CDH18: variants seen among roughly 807,000 people sequenced by gnomAD.
CDH18 encodes cadherin-18.
In CDH18, 31 loss-of-function variants were observed where a neutral mutation model predicts 67.9. The observed-to-expected ratio is 0.46, with a 90% CI of 0.34 to 0.62. The LOEUF (loss-of-function observed/expected upper bound fraction) is 0.62, where lower values mean the gene tolerates loss of function less well. CDH18 is among the 20% of genes least tolerant of loss of function. The pLI, the probability that CDH18 is intolerant of heterozygous loss-of-function variation, is 0.01. For missense variants in CDH18, 890 were observed against 975.5 expected, an observed-to-expected ratio of 0.91 and a Z score of 1.17; for synonymous variants, 362 against 347.2, an observed-to-expected ratio of 1.04 and a Z score of -0.48.
At chr5:19,640,549 T>C (rs1162835626) in intron 5 of CDH18, among the ~76,000 whole-genome samples, 7 of 151,816 alleles carry the variant, frequency 4.6e-5, no homozygotes, top group African/African-American at 1.7e-4. Context: ...AAAACAGAAA[T>C]AACCAGAAAT....
At position 19,612,491 on chromosome 5, in the gene CDH18, T is replaced by C. The variant is rs1749139912; in HGVS notation, c.754A>G (p.Thr252Ala). The change falls in exon 6 of 13, where the codon ACA becomes GCA. Residue 252 changes from threonine (T) to alanine (A), a missense_variant. By Grantham distance (58) the Thr-to-Ala change is moderately conservative. This residue lies in a region of CDH18 where 656 missense variants were observed against 668.1 expected (regional missense o/e 0.98). Transcript: ENST00000382275. ...TCGGTTAAGGTGATGTTGACTGTTG[T>C]AGATCCTGAAAGCCCTCCAACTTGC... ...AGQVGGLSGS[T>A]TVNITLTDVN... 3.1e-6 allele frequency: 5 copies of C among 1,614,144 alleles called. No homozygotes were observed. Among genetic ancestry groups the C allele is most frequent in the Admixed American group, 3.3e-5 (2 of 60,010 alleles).
At position 19,861,408 on chromosome 5, in the gene CDH18, T is replaced by C. The variant is rs142689149; in HGVS notation, c.-256-22166A>G. Among the ~76,000 whole-genome samples the C allele has an allele frequency of 8.5e-4, 130 of 152,092 alleles. 2 individuals carry two copies. The highest frequency in any genetic ancestry group is 5.8e-3 in the East Asian group (30 of 5,162). ...GCTGGGTATACCAGAGGGGGCTGTG[T>C]AAGAAGACAAAGTCCAGAGGTAAGA... On this transcript the variant is annotated intron_variant, in intron 2 of 12. Coordinates refer to ENST00000382275, the MANE Select transcript of CDH18 (RefSeq NM_004934.5).
intron 1 of CDH18, among the ~76,000 whole-genome samples, chr5:20,317,014 G>T (rs933544927): frequency 6.6e-6 from 1 of 151,950 alleles, no homozygotes; most frequent in African/African-American, 2.4e-5. Context: ...CAGATTTAAT[G>T]AAAAGAGAAT....
chr5:20,422,656 A>C (rs967291670), intron 1 of CDH18, among the ~76,000 whole-genome samples: 14 of 151,152 alleles, frequency 9.3e-5, no homozygotes, highest in Non-Finnish European at 1.8e-4. Context: ...AAATTCAAAA[A>C]TCAAAACTTA....
At chr5:20,393,611 G>T (rs568539038) in intron 1 of CDH18, among the ~76,000 whole-genome samples, 1 of 151,836 alleles carries the variant, frequency 6.6e-6, no homozygotes, top group Admixed American at 6.6e-5. Context: ...ATGATGGTAT[G>T]CCTAGAAAAC....
At chr5:20,077,365 G>T (rs568090622) in intron 2 of CDH18, among the ~76,000 whole-genome samples, 1 of 152,122 alleles carries the variant, frequency 6.6e-6, no homozygotes, top group Non-Finnish European at 1.5e-5. Context: ...ACAAATTGTC[G>T]TGCTATTCAG....
At chr5:20,549,537 T>C (rs1282950084) in intron 1 of CDH18, among the ~76,000 whole-genome samples, 4 of 152,114 alleles carry the variant, frequency 2.6e-5, no homozygotes, top group Non-Finnish European at 5.9e-5. Context: ...ACAGAGAATA[T>C]TATATTTAAA....
intron 5 of CDH18, among the ~76,000 whole-genome samples, chr5:19,633,788 C>A (rs1450362593): frequency 6.6e-6 from 1 of 152,012 alleles, no homozygotes; most frequent in Non-Finnish European, 1.5e-5. Context: ...CACTACCATA[C>A]CCACCTAATT....
intron 1 of CDH18, among the ~76,000 whole-genome samples, chr5:20,464,670 A>G (rs994612385): frequency 1.3e-5 from 2 of 152,152 alleles, no homozygotes; most frequent in Non-Finnish European, 2.9e-5. Context: ...TGAGACATCT[A>G]TATTCCAAAT....
intron 3 of CDH18, among the ~76,000 whole-genome samples, chr5:19,769,676 TACA>T (rs1466285481): frequency 5.3e-5 from 8 of 152,054 alleles, no homozygotes; most frequent in Non-Finnish European, 1.2e-4. Context: ...TGTAAATCTT[TACA>T]ACATTAGAAT....
intron 2 of CDH18, among the ~76,000 whole-genome samples, chr5:20,007,118 G>A (rs893813662): frequency 1.3e-5 from 2 of 151,572 alleles, no homozygotes; most frequent in Non-Finnish European, 2.9e-5. Flanking sequence ...TATCAAATAC[G>A]CTTTGAATAT....
At chr5:19,582,326 G>A (rs17839201) in intron 7 of CDH18, among the ~76,000 whole-genome samples, 12,617 of 151,820 alleles carry the variant, frequency 0.083, 597 homozygotes, top group African/African-American at 0.13. Context: ...AAGATGTTTC[G>A]TCAGATCATT....
intron 2 of CDH18, among the ~76,000 whole-genome samples, chr5:20,081,984 A>G (rs1744515753): frequency 6.6e-6 from 1 of 152,226 alleles, no homozygotes; most frequent in African/African-American, 2.4e-5. Flanking sequence ...AGGAAACATA[A>G]TATTAGTCTA....
intron 2 of CDH18, among the ~76,000 whole-genome samples, chr5:19,841,115 AAATG>A (rs1268928474): frequency 2.0e-5 from 3 of 152,194 alleles, no homozygotes; most frequent in Non-Finnish European, 4.4e-5. Flanking sequence ...TTCGCTCCTT[AAATG>A]AGGGTTAGTA....
chr5:19,502,760 A>C (rs1743464622), intron 11 of CDH18: 1 of 537,776 alleles, frequency 1.9e-6, no homozygotes, highest in Admixed American at 3.4e-5. Context: ...AGAGCATATT[A>C]CATGTACATT....
At chr5:19,818,528 G>A (rs1779529051) in intron 3 of CDH18, among the ~76,000 whole-genome samples, 1 of 152,056 alleles carries the variant, frequency 6.6e-6, no homozygotes, top group Non-Finnish European at 1.5e-5. Context: ...ATATACAGTC[G>A]TGCTTCATTT....
intron 5 of CDH18, among the ~76,000 whole-genome samples, chr5:19,635,419 C>T (rs1485626397): frequency 6.6e-6 from 1 of 152,114 alleles, no homozygotes; most frequent in Non-Finnish European, 1.5e-5. Flanking sequence ...GTCATCTTCT[C>T]ATAGTTTAAT....
intron 2 of CDH18, among the ~76,000 whole-genome samples, chr5:20,044,492 T>C (rs1055866280): frequency 5.9e-5 from 9 of 152,148 alleles, no homozygotes; most frequent in African/African-American, 1.9e-4. Context: ...CTATGCTAAT[T>C]TTGTGAAAAT....
At chr5:20,080,051 A>G (rs1174355904) in intron 2 of CDH18, among the ~76,000 whole-genome samples, 1 of 152,188 alleles carries the variant, frequency 6.6e-6, no homozygotes, top group Non-Finnish European at 1.5e-5. Context: ...TTAGGCTTCA[A>G]TATGAATTTT....
Sources: gnomAD v4.1 joint callset for allele counts (sites outside exome capture counted in the v4.1 genomes callset) on GRCh38, gnomAD v4.1.1 for gene constraint, gnomAD v4.1.1 regional missense constraint, MANE v1.5 for transcripts, NCBI Gene and HGNC (gene_info 2026-07-23, HGNC 2026-07-21) for gene names.